Variants in C2 observed in about 807,000 individuals in gnomAD.
C2 encodes complement C2.
Under a neutral mutation model 85.2 loss-of-function variants are expected in C2, and 64 were observed. The observed-to-expected ratio is 0.75, with a 90% CI of 0.61 to 0.92. The LOEUF (loss-of-function observed/expected upper bound fraction) is 0.92. Among genes scored for constraint, C2 ranks in the 40% least tolerant of loss-of-function variants. C2 has a pLI of 0.00. For missense variants in C2, 820 were observed against 971.6 expected (o/e 0.84, Z 2.07); for synonymous variants, 311 against 370.8 (o/e 0.84, Z 1.85).
upstream of C2, chr6:31,898,018 G>C (rs1766818550): frequency 7.3e-6 from 4 of 545,508 alleles, no homozygotes; most frequent in Non-Finnish European, 9.4e-6. Flanking sequence ...GGCTTTTCCC[G>C]CCTCTGGTTG....
intron 9 of C2, among the ~76,000 whole-genome samples, chr6:31,942,256 C>T (rs991217488): frequency 6.7e-6 from 1 of 149,220 alleles, no homozygotes; most frequent in Admixed American, 6.8e-5. Context: ...TCTGGCTTAC[C>T]TCTTCTTATA....
chr6:31,917,338 T>C (rs528061963), upstream of C2, among the ~76,000 whole-genome samples: 122 of 151,960 alleles, frequency 8.0e-4, 2 homozygotes, highest in Admixed American at 2.6e-3. Context: ...TGCAGCAACA[T>C]GGATGGAGCT....
At chr6:31,916,052 C>T (rs1768481252), upstream of C2, among the ~76,000 whole-genome samples, 1 of 152,130 alleles carries the variant, frequency 6.6e-6, no homozygotes, top group Admixed American at 6.6e-5. Context: ...GTTAATGTTA[C>T]AGTCTGGGTT....
Position 31,944,649 on chromosome 6 carries a change from G to T in C2, c.1903-78G>T, listed in dbSNP as rs1771203893. On this transcript the variant is annotated intron_variant, in intron 15 of 17. Transcript: ENST00000299367. This position sits in a 1 kb window ranked among gnomAD's most constrained non-coding sequence, Gnocchi z 5.1. ...GCCTGCCTCAACCTCCCAAAGTGCT[G>T]AGATTACAGGCGTGAGCCACTGCAC... The T allele has an allele frequency of 3.9e-6, 6 of 1,525,934 alleles. No individual in the cohort carries two copies. In the African/African-American group the frequency reaches 6.9e-5, roughly 17 times the overall value. 94.5% of individuals were successfully genotyped at this position (1,525,934 alleles called of 1,614,324 possible).
At chr6:31,928,406 T>G (rs1363751729) in intron 2 of C2, among the ~76,000 whole-genome samples, 1 of 152,150 alleles carries the variant, frequency 6.6e-6, no homozygotes, top group Non-Finnish European at 1.5e-5. Flanking sequence ...GACTGCCTAG[T>G]AGTGACCATT....
In C2 at chr6:31,935,066, A is replaced by G. The variant is rs1322999264; in HGVS notation, c.849+767A>G. The G allele has an allele frequency of 7.2e-6, 7 of 969,994 alleles. No homozygotes were observed. The highest frequency in any genetic ancestry group is 8.6e-6 in the Non-Finnish European group (7 of 815,882). The allele number at this position is 969,994 out of a possible 1,614,324, so 60.1% of individuals were successfully genotyped here. ...AAAATATGTGTGATAGAAGTTTGGAAGCCACTGGTTTAAGTTCCTCGCCAG... is the reference window on the plus strand; with the variant it reads ...AAAATATGTGTGATAGAAGTTTGGAGGCCACTGGTTTAAGTTCCTCGCCAG... On this transcript the variant is annotated intron_variant, in intron 6 of 17. Transcript: ENST00000299367. This position sits in a 1 kb window ranked among gnomAD's most constrained non-coding sequence, Gnocchi z 4.3.
At chr6:31,939,973 C>T (rs1288185927) in intron 9 of C2, among the ~76,000 whole-genome samples, 1 of 152,128 alleles carries the variant, frequency 6.6e-6, no homozygotes, top group African/African-American at 2.4e-5. Context: ...GACAGAGTTT[C>T]ACCATGTTGG....
intron 1 of C2, among the ~76,000 whole-genome samples, chr6:31,906,761 TTAAAA>T (rs1281484505): frequency 6.6e-6 from 1 of 151,578 alleles, no homozygotes; most frequent in African/African-American, 2.4e-5. Flanking sequence ...TATCCCAAGT[TTAAAA>T]AAAAAATTGT....
chr6:31,916,890 G>C (rs1450532012), upstream of C2, among the ~76,000 whole-genome samples: 1 of 50,686 alleles, frequency 2.0e-5, no homozygotes, highest in Non-Finnish European at 3.7e-5. Flanking sequence ...AAAAAAAAAA[G>C]GCTGGCTGTG....
rs150817621 is a variant in C2, at chr6:31,902,996, A to G, written c.73+1857A>G. On this transcript the variant is annotated intron_variant, in intron 1 of 3. Transcript: ENST00000452202. The stretch of plus-strand genomic sequence containing the variant: ...CAGCTCTAAACAAAACTTCCCTTCA[A>G]CACTGCGCCCGGGCCTTCTCTTTCT... 7.6e-3 allele frequency among the ~76,000 whole-genome samples: 1,151 copies of G among 152,130 alleles called. 17 individuals carry two copies. The highest frequency in any genetic ancestry group is 0.026 in the African/African-American group (1,085 of 41,492).
At chr6:31,910,904 C>T (rs541012425) in intron 1 of C2, among the ~76,000 whole-genome samples, 3 of 151,708 alleles carry the variant, frequency 2.0e-5, no homozygotes, top group East Asian at 2.0e-4. Flanking sequence ...CTCTTGAACC[C>T]GGGAGGCAGA....
rs2763982 is a variant in C2, at chr6:31,904,774, G to C, written c.73+3635G>C. Among the ~76,000 whole-genome samples, 45,220 of 150,658 alleles carry C rather than the reference G, an allele frequency of 0.3. 8,696 individuals are homozygous for C. The highest frequency in any genetic ancestry group is 0.56 in the East Asian group (2,891 of 5,148). ...AAATTTTGTTTCTTGTCCCTTTCTT[G>C]CTACTTTTCCTTTCTAGGAATGTAG... On this transcript the variant is annotated intron_variant, in intron 1 of 3. Coordinates refer to the C2 transcript ENST00000452202. The surrounding 1 kb of genome is among the most constrained non-coding windows in gnomAD (Gnocchi z 4.4).
At chr6:31,926,761 A>C (rs1177535066), upstream of C2, among the ~76,000 whole-genome samples, 1 of 152,138 alleles carries the variant, frequency 6.6e-6, no homozygotes, top group Non-Finnish European at 1.5e-5. Flanking sequence ...CTCACTTATA[A>C]ATCAAAAGGG....
chr6:31,921,497 A>C lies in C2; in HGVS notation c.-100+1471A>C, dbSNP rs1052375269. Among the ~76,000 whole-genome samples, 3 of 152,070 alleles carry C rather than the reference A, an allele frequency of 2.0e-5. No homozygotes were observed. Among genetic ancestry groups the C allele is most frequent in the Non-Finnish European group, 4.4e-5 (3 of 67,982 alleles). On this transcript the variant is annotated intron_variant, in intron 1 of 3. Transcript: ENST00000413154. This position sits in a 1 kb window ranked among gnomAD's most constrained non-coding sequence, Gnocchi z 4.6. The stretch of plus-strand genomic sequence containing the variant: ...TTGGAAATGCAAGGGGCTGGGGTAG[A>C]CTTCAGGGATGCGCAAGGAGCTCCC...
upstream of C2, among the ~76,000 whole-genome samples, chr6:31,923,798 CTTAT>C (rs746403978): frequency 1.3e-3 from 180 of 136,754 alleles, no homozygotes; most frequent in South Asian, 3.3e-3. Context: ...CTCTGAGGCT[CTTAT>C]TTATTTATTT....
At position 31,943,051 on chromosome 6, in the gene C2, ATTC is replaced by A; in HGVS notation, c.1314_1316del (p.Ile438_Leu439delinsMet). 6.2e-7 allele frequency: 1 copy of A among 1,613,110 alleles called. No individual in the cohort carries two copies. Among genetic ancestry groups the A allele is most frequent in the Non-Finnish European group, 8.5e-7 (1 of 1,180,042 alleles). ...GAAGGATGGTGAGAGGCATGCCTTC[ATTC>A]TGCAGGACACAAAGGCTCTGCACCA... is the stretch of plus-strand genomic sequence containing the variant. On this transcript the variant is annotated inframe_deletion, in exon 10 of 18. Coordinates refer to ENST00000299367, the MANE Select transcript of C2 (RefSeq NM_000063.6). The surrounding 1 kb of genome is among the most constrained non-coding windows in gnomAD (Gnocchi z 6.4).
intron 1 of C2, among the ~76,000 whole-genome samples, chr6:31,902,335 C>G (rs1249907461): frequency 2.6e-5 from 4 of 151,946 alleles, no homozygotes; most frequent in South Asian, 2.1e-4. Context: ...GGCCCGCCCC[C>G]CAATCCCGGC....
upstream of C2, among the ~76,000 whole-genome samples, chr6:31,925,259 ATTAC>A (rs542514595): frequency 1.3e-3 from 198 of 152,202 alleles, 1 homozygote; most frequent in Admixed American, 2.8e-3. Flanking sequence ...TTTTGGTCAT[ATTAC>A]TTATCCACTG....
chr6:31,941,529 T>C (rs1185067155), intron 9 of C2: 1 of 152,300 alleles, frequency 6.6e-6, no homozygotes, highest in Non-Finnish European at 1.5e-5. Flanking sequence ...AGTCTCGCTC[T>C]GTCACCCAGA....
Sources: allele counts gnomAD v4.1 joint callset (sites outside exome capture counted in the v4.1 genomes callset), GRCh38; gene constraint gnomAD v4.1.1; non-coding constraint Gnocchi (gnomAD v3.1); transcripts MANE v1.5; gene names NCBI Gene and HGNC (gene_info 2026-07-23, HGNC 2026-07-21).